Variants in TTC28 observed in about 807,000 individuals in gnomAD.
TTC28 encodes tetratricopeptide repeat protein 28.
In TTC28, 61 loss-of-function variants were observed where a neutral mutation model predicts 198.0. The ratio of observed to expected loss-of-function variants is 0.31; its 90% CI spans 0.25 to 0.38. The LOEUF (loss-of-function observed/expected upper bound fraction) is 0.38, where lower values mean the gene tolerates loss of function less well. Among genes scored for constraint, TTC28 ranks in the 10% least tolerant of loss-of-function variants. The probability of loss-of-function intolerance (pLI) is 1.00; values close to 1 mark genes in which losing one functional copy is unlikely to be tolerated. For synonymous variants in TTC28, 1,171 were observed against 1,297.8 expected, an observed-to-expected ratio of 0.90 and a Z score of 2.10; for missense variants, 2,678 against 3,164.0, an observed-to-expected ratio of 0.85 and a Z score of 3.69.
rs957662400 is a variant in TTC28, at chr22:28,180,086, G to A, written c.934-16487C>T. Among the ~76,000 whole-genome samples the A allele has an allele frequency of 2.6e-5, 4 of 152,126 alleles. No homozygotes were observed. The East Asian group carries it at 7.7e-4, about 29-fold the overall frequency. On this transcript the variant is annotated intron_variant, in intron 5 of 22. Transcript: ENST00000397906. ...AACCCCCTGATTGCAGGGTTTTCAT[G>A]GGGAATCAATAGCTACTCAAAAATA...
At chr22:28,331,136 C>T (rs2045609885) in intron 2 of TTC28, among the ~76,000 whole-genome samples, 1 of 152,094 alleles carries the variant, frequency 6.6e-6, no homozygotes, top group Non-Finnish European at 1.5e-5. Context: ...CTTATTTAGT[C>T]TTAATAATTC....
At chr22:28,168,831 T>G (rs1216177266) in intron 5 of TTC28, among the ~76,000 whole-genome samples, 3 of 152,128 alleles carry the variant, frequency 2.0e-5, no homozygotes, top group Admixed American at 1.3e-4. Flanking sequence ...TGGGATCTAA[T>G]TAAACTAAAG....
rs115036642 is a variant in TTC28, at chr22:28,444,387, T to C, written c.382-137744A>G. Among the ~76,000 whole-genome samples the C allele has an allele frequency of 4.0e-3, 609 of 152,278 alleles. 3 individuals are homozygous for C. Among genetic ancestry groups the C allele is most frequent in the African/African-American group, 0.014 (589 of 41,546 alleles). On this transcript the variant is annotated intron_variant, in intron 2 of 22. Transcript: ENST00000397906. ...GCAGATTGATCACTAACTATATCAG[T>C]ATAAGTAAGTCATTAAAACACCCAA...
intron 12 of TTC28, among the ~76,000 whole-genome samples, chr22:28,053,894 CT>C (rs1348596393): frequency 6.6e-6 from 1 of 152,126 alleles, no homozygotes; most frequent in East Asian, 1.9e-4. Flanking sequence ...AAAATAATGA[CT>C]GTTCCTGGCC....
chr22:28,660,028 C>A (rs2051717351), intron 1 of TTC28, among the ~76,000 whole-genome samples: 1 of 152,108 alleles, frequency 6.6e-6, no homozygotes, highest in Non-Finnish European at 1.5e-5. Flanking sequence ...CTCCTGGGCT[C>A]AGGCGATCCT....
At chr22:28,121,836 G>A (rs1387521704) in intron 6 of TTC28, among the ~76,000 whole-genome samples, 2 of 152,016 alleles carry the variant, frequency 1.3e-5, no homozygotes, top group Non-Finnish European at 2.9e-5. Flanking sequence ...GAACTTTTTT[G>A]GGATTTTAGG....
At chr22:28,100,016 A>AG (rs1601618807) in intron 9 of TTC28, among the ~76,000 whole-genome samples, 1 of 152,230 alleles carries the variant, frequency 6.6e-6, no homozygotes, top group Non-Finnish European at 1.5e-5. Flanking sequence ...ATGCTCTAAC[A>AG]GGCTCCTCCA....
chr22:28,256,802 G>A (rs1040707579), intron 5 of TTC28, among the ~76,000 whole-genome samples: 4 of 152,222 alleles, frequency 2.6e-5, no homozygotes, highest in African/African-American at 9.6e-5. Context: ...ATTTTGGGAA[G>A]CTGAAGTGGG....
intron 1 of TTC28, among the ~76,000 whole-genome samples, chr22:28,637,030 A>C (rs1382452013): frequency 8.3e-6 from 1 of 121,164 alleles, no homozygotes; most frequent in Non-Finnish European, 1.6e-5. Context: ...TTTTTTTGAG[A>C]CGGAGTCTTG....
intron 5 of TTC28, among the ~76,000 whole-genome samples, chr22:28,226,197 A>C (rs1174321707): frequency 6.6e-6 from 1 of 152,148 alleles, no homozygotes; most frequent in Non-Finnish European, 1.5e-5. Flanking sequence ...GTATGTGTTT[A>C]ACTTTGTAGG....
chr22:28,617,948 A>G (rs920172170), intron 2 of TTC28, among the ~76,000 whole-genome samples: 1 of 152,212 alleles, frequency 6.6e-6, no homozygotes, highest in African/African-American at 2.4e-5. Flanking sequence ...GGCCCAGTCC[A>G]GAAGAGTCAC....
chr22:28,011,948 G>A (rs1938182064), intron 14 of TTC28, among the ~76,000 whole-genome samples: 1 of 152,166 alleles, frequency 6.6e-6, no homozygotes. Context: ...GTAATCTGGG[G>A]ACCTGAATGC....
At chr22:28,083,224 C>G (rs1170997230) in intron 12 of TTC28, among the ~76,000 whole-genome samples, 1 of 152,076 alleles carries the variant, frequency 6.6e-6, no homozygotes, top group Non-Finnish European at 1.5e-5. Context: ...TGTTCATTGA[C>G]AGATACACAT....
At chr22:28,562,816 G>T (rs1215543873) in intron 2 of TTC28, among the ~76,000 whole-genome samples, 1 of 152,160 alleles carries the variant, frequency 6.6e-6, no homozygotes, top group Non-Finnish European at 1.5e-5. Flanking sequence ...GAAGGGTTTT[G>T]AAGTGTTTTA....
chr22:28,312,477 C>A (rs2045280683), intron 2 of TTC28, among the ~76,000 whole-genome samples: 1 of 152,156 alleles, frequency 6.6e-6, no homozygotes, highest in African/African-American at 2.4e-5. Flanking sequence ...CACTCCTCAG[C>A]AAATATAAAA....
chr22:28,097,128 T>C (rs1230148756), intron 10 of TTC28, among the ~76,000 whole-genome samples: 1 of 152,178 alleles, frequency 6.6e-6, no homozygotes, highest in Non-Finnish European at 1.5e-5. Context: ...TGCATAACAT[T>C]GTCCAGCCTT....
At chr22:28,196,732 C>T (rs1197151618) in intron 5 of TTC28, among the ~76,000 whole-genome samples, 7 of 152,066 alleles carry the variant, frequency 4.6e-5, no homozygotes, top group Non-Finnish European at 7.4e-5. Context: ...ATCAAAACCA[C>T]ACCAGTTAGT....
chr22:28,617,035 C>T (rs2050914761), intron 2 of TTC28, among the ~76,000 whole-genome samples: 1 of 152,034 alleles, frequency 6.6e-6, no homozygotes, highest in African/African-American at 2.4e-5. Context: ...GGTTCTTTTC[C>T]ACTGACCCTT....
At chr22:28,391,195 T>A (rs1399448059) in intron 2 of TTC28, among the ~76,000 whole-genome samples, 1 of 152,238 alleles carries the variant, frequency 6.6e-6, no homozygotes, top group Non-Finnish European at 1.5e-5. Flanking sequence ...CTTGTAGAGT[T>A]TCTGCCGAGA....
Sources: allele counts gnomAD v4.1 joint callset (sites outside exome capture counted in the v4.1 genomes callset), GRCh38; gene constraint gnomAD v4.1.1; transcripts MANE v1.5; gene names NCBI Gene and HGNC (gene_info 2026-07-23, HGNC 2026-07-21).